CAMSAP1: variants seen among roughly 807,000 people sequenced by gnomAD.
CAMSAP1 encodes calmodulin regulated spectrin associated protein 1, also known as calmodulin-regulated spectrin-associated protein 1.
Under a neutral mutation model 143.5 loss-of-function variants are expected in CAMSAP1, and 58 were observed. That is an observed-to-expected ratio of 0.40 (90% CI 0.33 to 0.50). CAMSAP1 has a LOEUF of 0.50. CAMSAP1 is among the 20% of genes least tolerant of loss of function. The probability of loss-of-function intolerance (pLI) is 0.45; values close to 1 mark genes in which losing one functional copy is unlikely to be tolerated. For synonymous variants in CAMSAP1, 945 were observed against 859.3 expected (o/e 1.10, Z -1.74); for missense variants, 1,969 against 2,115.7 (o/e 0.93, Z 1.36).
chr9:135,892,647 T>C (rs1323927766), intron 1 of CAMSAP1, among the ~76,000 whole-genome samples: 1 of 151,782 alleles, frequency 6.6e-6, no homozygotes, highest in Non-Finnish European at 1.5e-5. Context: ...GGTCAGGAGT[T>C]GGAGACCATC....
In CAMSAP1 at chr9:135,850,125, T is replaced by C; in HGVS notation, c.1045+12A>G. ...GAAACCATTGCCAACCTGGGGAATATCTGTCACTCACCGTCTTTCAGCTCC... is the reference window on the plus strand; with the variant it reads ...GAAACCATTGCCAACCTGGGGAATACCTGTCACTCACCGTCTTTCAGCTCC... On this transcript the variant is annotated intron_variant, in intron 7 of 16. Transcript: ENST00000389532. 1 of 1,597,552 alleles carries C rather than the reference T, an allele frequency of 6.3e-7. No homozygotes were observed. The highest frequency in any genetic ancestry group is 8.5e-7 in the Non-Finnish European group (1 of 1,172,004).
In CAMSAP1 at chr9:135,881,738, G is replaced by C. The variant is rs1434574427; in HGVS notation, c.480C>G (p.Ile160Met). ...CACTGGCCACCACCTTCTCGATGCTGATCATCTCCACAGTGTAGGCCATCA... is the reference window on the plus strand; with the variant it reads ...CACTGGCCACCACCTTCTCGATGCTCATCATCTCCACAGTGTAGGCCATCA... ...ALMMAYTVEM[I>M]SIEKVVASVK... is the part of the protein sequence containing the mutation. The change falls in exon 3 of 17, where the codon ATC becomes ATG. Residue 160 changes from isoleucine to methionine, a missense_variant. Physicochemically the swap from Ile to Met is conservative, Grantham distance 10 (BLOSUM62 1). Coordinates refer to ENST00000389532, the MANE Select transcript of CAMSAP1 (RefSeq NM_015447.4). 1 of 1,551,846 alleles carries C rather than the reference G, an allele frequency of 6.4e-7. No homozygotes were observed. Among genetic ancestry groups the C allele is most frequent in the East Asian group, 2.4e-5 (1 of 40,910 alleles).
In CAMSAP1 at chr9:135,818,046, C is replaced by G. The variant is rs1327139991; in HGVS notation, c.4202G>C (p.Ser1401Thr). The change falls in exon 14 of 17, where the codon AGC (serine) becomes ACC (threonine). Residue 1401 changes from serine to threonine, a missense_variant. By Grantham distance (58) the Ser-to-Thr change is moderately conservative (BLOSUM62 1). Around this residue, in one of 4 missense-constraint regions of CAMSAP1, gnomAD observed 1,390 missense variants for 1,420.8 expected, o/e 0.98. Coordinates refer to ENST00000389532, the MANE Select transcript of CAMSAP1 (RefSeq NM_015447.4). This position sits in a 1 kb window ranked among gnomAD's most constrained non-coding sequence, Gnocchi z 7.7. The stretch of plus-strand genomic sequence containing the variant: ...CGTCGCCGCAGAGGCCAAGGACAGG[C>G]TGGAGCCTGACTGAGTCCGGCTCAA... ...DNLSRTQSGS[S>T]LSLASAATTE... The G allele has an allele frequency of 5.0e-6, 8 of 1,613,732 alleles. No homozygotes were observed. Among genetic ancestry groups the G allele is most frequent in the African/African-American group, 2.7e-5 (2 of 74,928 alleles).
At position 135,822,462 on chromosome 9, in the gene CAMSAP1, G is replaced by T. The variant is rs761768209; in HGVS notation, c.2199C>A (p.Leu733=). The T allele has an allele frequency of 2.5e-6, 4 of 1,613,460 alleles. No individual in the cohort carries two copies. The highest frequency in any genetic ancestry group is 2.5e-6 in the Non-Finnish European group (3 of 1,179,892). The change falls in exon 11 of 17, where the codon CTC becomes CTA. Residue 733 remains leucine (L), a synonymous_variant. Coordinates refer to ENST00000389532, the MANE Select transcript of CAMSAP1 (RefSeq NM_015447.4). This position sits in a 1 kb window ranked among gnomAD's most constrained non-coding sequence, Gnocchi z 6.1. The part of the protein sequence containing the change: ...PNSHDSEPWT[L]LRQDSDSDVV... ...CATCCGAGTCAGAATCCTGCCTGAG[G>T]AGAGTCCACGGCTCTGAATCGTGGG...
At chr9:135,862,923 G>A (rs957200084) in intron 4 of CAMSAP1, among the ~76,000 whole-genome samples, 1 of 152,084 alleles carries the variant, frequency 6.6e-6, no homozygotes, top group Non-Finnish European at 1.5e-5. Context: ...CACGGGAAAG[G>A]ACACAGAACA....
chr9:135,900,500 C>A (rs1326049585), intron 1 of CAMSAP1, among the ~76,000 whole-genome samples: 1 of 151,754 alleles, frequency 6.6e-6, no homozygotes, highest in Admixed American at 6.6e-5. Flanking sequence ...GAGACCATCC[C>A]GGCTAACATG....
intron 3 of CAMSAP1, 61 bp downstream of exon 3, chr9:135,881,572 A>G: frequency 6.5e-7 from 1 of 1,532,240 alleles, no homozygotes; most frequent in Middle Eastern, 1.8e-4. Context: ...GCTGCTCTCA[A>G]GTGAAAAGGA....
chr9:135,821,365 G>C lies in CAMSAP1; in HGVS notation c.3296C>G (p.Ser1099Cys), dbSNP rs1335241250. The change falls in exon 11 of 17, where the codon TCC (serine) becomes TGC (cysteine). Residue 1099 changes from serine to cysteine, a missense_variant. Physicochemically the swap from Ser to Cys is moderately radical, Grantham distance 112. Coordinates refer to ENST00000389532, the MANE Select transcript of CAMSAP1 (RefSeq NM_015447.4). The surrounding 1 kb of genome is among the most constrained non-coding windows in gnomAD (Gnocchi z 4.6). ...CAGCTCCGCCGGCCTTCCGGAACGG[G>C]AATTCCGGCCTTGACCCAGCCGGGG... ...KAPRLGQGRN[S>C]RSGRPAELKV... is the part of the protein sequence containing the mutation. The C allele has an allele frequency of 6.2e-7, 1 of 1,613,782 alleles. No individual in the cohort carries two copies. Among genetic ancestry groups the C allele is most frequent in the East Asian group, 2.2e-5 (1 of 44,862 alleles).
chr9:135,901,980 C>T (rs1409337003), intron 1 of CAMSAP1, among the ~76,000 whole-genome samples: 1 of 152,218 alleles, frequency 6.6e-6, no homozygotes, highest in African/African-American at 2.4e-5. Flanking sequence ...CTCTTAGGGG[C>T]TAACCATTCA....
chr9:135,891,807 C>T (rs1033063579), intron 1 of CAMSAP1, among the ~76,000 whole-genome samples: 1 of 152,174 alleles, frequency 6.6e-6, no homozygotes, highest in African/African-American at 2.4e-5. Flanking sequence ...GGTAAAGCTA[C>T]ACTCTCTTAA....
chr9:135,902,666 G>C (rs1838652347), intron 1 of CAMSAP1, among the ~76,000 whole-genome samples: 1 of 152,188 alleles, frequency 6.6e-6, no homozygotes, highest in Admixed American at 6.5e-5. Context: ...CCCTGAGATG[G>C]GGACTAAAAC....
intron 1 of CAMSAP1, among the ~76,000 whole-genome samples, chr9:135,900,868 C>T (rs887613730): frequency 2.0e-5 from 3 of 152,066 alleles, no homozygotes; most frequent in African/African-American, 7.2e-5. Flanking sequence ...GATTCGTCTG[C>T]CTCAGCCTCC....
chr9:135,902,492 T>C (rs1448581815), intron 1 of CAMSAP1, among the ~76,000 whole-genome samples: 1 of 152,078 alleles, frequency 6.6e-6, no homozygotes, highest in Non-Finnish European at 1.5e-5. Flanking sequence ...GTTCTGGAGG[T>C]GGAAAGGGGC....
chr9:135,816,053 C>A, intron 14 of CAMSAP1, 48 bp from the exon 15 acceptor site: 1 of 1,553,474 alleles, frequency 6.4e-7, no homozygotes. Context: ...CGCTGGCTTC[C>A]TCTCACCACT....
At chr9:135,862,367 CTT>C in intron 5 of CAMSAP1, 98 bp downstream of exon 5, 2 of 1,296,912 alleles carry the variant, frequency 1.5e-6, no homozygotes, top group East Asian at 2.6e-5. Flanking sequence ...ATTCCATTTT[CTT>C]TCTCTTTTTT....
chr9:135,850,557 T>C, intron 5 of CAMSAP1, 96 bp from the exon 6 acceptor site: 1 of 971,932 alleles, frequency 1.0e-6, no homozygotes, highest in Non-Finnish European at 1.5e-6. Context: ...TACATAAAGG[T>C]AGTAATGAAG....
chr9:135,827,251 C>A (rs1265059654), intron 8 of CAMSAP1, among the ~76,000 whole-genome samples, 156 bp downstream of exon 8: 1 of 152,192 alleles, frequency 6.6e-6, no homozygotes, highest in Non-Finnish European at 1.5e-5. Flanking sequence ...GGAAAGGGGA[C>A]CGAATGGCCA....
rs371318470 is a variant in CAMSAP1 at position 135,887,360 on chromosome 9, G to A, written c.161-4282C>T. 8.5e-5 allele frequency among the ~76,000 whole-genome samples: 13 copies of A among 152,306 alleles called. No individual in the cohort carries two copies. In the East Asian group the frequency reaches 2.3e-3, roughly 27 times the overall value. Reference sequence around the variant, plus strand: ...CCCGCCGGACTCAGCTGGCAGCCTCGGGAAGAGCATTCTGAGAACTGGTGA... The same window carrying A: ...CCCGCCGGACTCAGCTGGCAGCCTCAGGAAGAGCATTCTGAGAACTGGTGA... On this transcript the variant is annotated intron_variant, in intron 1 of 16. Coordinates refer to ENST00000389532, the MANE Select transcript of CAMSAP1 (RefSeq NM_015447.4).
intron 5 of CAMSAP1, among the ~76,000 whole-genome samples, chr9:135,862,243 C>T (rs1404564944): frequency 6.6e-6 from 1 of 151,670 alleles, no homozygotes; most frequent in Non-Finnish European, 1.5e-5. Context: ...TGTGCCACCA[C>T]ACCCAGCTAA....
Sources: gnomAD v4.1 joint callset for allele counts (sites outside exome capture counted in the v4.1 genomes callset) on GRCh38, gnomAD v4.1.1 for gene constraint, gnomAD v4.1.1 regional missense constraint, Gnocchi (gnomAD v3.1) non-coding constraint, MANE v1.5 for transcripts, NCBI Gene and HGNC (gene_info 2026-07-23, HGNC 2026-07-21) for gene names.